Variants in SOCS5 observed in about 807,000 individuals in gnomAD.
The protein encoded by SOCS5 is suppressor of cytokine signaling 5, also known as CIS-6.
A neutral mutation model predicts 42.8 loss-of-function variants in SOCS5; 32 were observed. The observed-to-expected ratio is 0.75, with a 90% CI of 0.56 to 1.01. The LOEUF (loss-of-function observed/expected upper bound fraction) is 1.01, where lower values mean the gene tolerates loss of function less well. Ranked by LOEUF, SOCS5 falls within the 50% of genes least tolerant of loss-of-function variation. SOCS5 has a pLI of 0.00. For synonymous variants in SOCS5, 283 were observed against 229.6 expected (o/e 1.23, Z -2.10); for missense variants, 627 against 653.0 (o/e 0.96, Z 0.43).
chr2:46,710,535 T>C (rs1672595535), intron 1 of SOCS5, among the ~76,000 whole-genome samples: 1 of 152,184 alleles, frequency 6.6e-6, no homozygotes, highest in South Asian at 2.1e-4. Context: ...ACACCAAATA[T>C]CTTTAATAAC....
intron 1 of SOCS5, among the ~76,000 whole-genome samples, chr2:46,738,757 AT>A (rs1300153574): frequency 6.6e-6 from 1 of 151,982 alleles, no homozygotes; most frequent in East Asian, 1.9e-4. Flanking sequence ...GTCAAATAAA[AT>A]TTTTTTCCCA....
At chr2:46,733,581 G>GAAAAAAAAAAAAAAAA in intron 1 of SOCS5, among the ~76,000 whole-genome samples, 1 of 92,016 alleles carries the variant, frequency 1.1e-5, no homozygotes, top group Non-Finnish European at 2.2e-5. Flanking sequence ...AAAAAAAAAA[G>GAAAAAAAAAAAAAAAA]AAAAAAAAAA....
intron 1 of SOCS5, among the ~76,000 whole-genome samples, chr2:46,740,547 G>A (rs1291610732): frequency 1.3e-5 from 2 of 151,978 alleles, no homozygotes; most frequent in Non-Finnish European, 2.9e-5. Context: ...AGATAGGAGG[G>A]GCCTGTGATA....
At chr2:46,727,144 C>CTTTTTTTT (rs759203329) in intron 1 of SOCS5, among the ~76,000 whole-genome samples, 102 of 86,410 alleles carry the variant, frequency 1.2e-3, no homozygotes, top group Non-Finnish European at 1.1e-3. Context: ...TTGGAGCCTT[C>CTTTTTTTT]TTTTTTTTTT....
At position 46,760,987 on chromosome 2, in the gene SOCS5, C is replaced by A. The variant is rs1673855783; in HGVS notation, c.*846C>A. On this transcript the variant is annotated 3_prime_UTR_variant, in exon 2 of 2. Transcript: ENST00000394861. Reference sequence around the variant, plus strand: ...TTTGTGAACCGTGAAGTACGTGAGACTAGAAGACGCCCAAACAAGTCAGAT... The same window carrying A: ...TTTGTGAACCGTGAAGTACGTGAGAATAGAAGACGCCCAAACAAGTCAGAT... 6.0e-6 allele frequency: 1 copy of A among 167,012 alleles called. No individual in the cohort carries two copies. Among genetic ancestry groups the A allele is most frequent in the African/African-American group, 2.4e-5 (1 of 41,422 alleles). The allele number at this position is 167,012 out of a possible 1,614,324, so 10.3% of individuals were successfully genotyped here.
chr2:46,733,484 G>A (rs1028423041), intron 1 of SOCS5, among the ~76,000 whole-genome samples: 1 of 150,464 alleles, frequency 6.6e-6, no homozygotes, highest in South Asian at 2.1e-4. Flanking sequence ...GAAGTGGGGG[G>A]ATCACATGAG....
chr2:46,711,974 A>G (rs758677595), intron 1 of SOCS5, among the ~76,000 whole-genome samples: 5 of 152,172 alleles, frequency 3.3e-5, no homozygotes, highest in Non-Finnish European at 7.4e-5. Context: ...TTGATTTACC[A>G]TAGCATTAAG....
intron 1 of SOCS5, among the ~76,000 whole-genome samples, chr2:46,734,281 T>C (rs1296928532): frequency 6.6e-6 from 1 of 152,154 alleles, no homozygotes; most frequent in East Asian, 1.9e-4. Context: ...AAATTAAAGC[T>C]CTTAATAACC....
rs1364318672 is a variant in SOCS5, at chr2:46,760,773, C to T, written c.*632C>T. 6.0e-6 allele frequency: 1 copy of T among 167,084 alleles called. No homozygotes were observed. 10.4% of individuals were successfully genotyped at this position (167,084 alleles called of 1,614,324 possible). On this transcript the variant is annotated 3_prime_UTR_variant, in exon 2 of 2. Coordinates refer to ENST00000394861, the MANE Select transcript of SOCS5 (RefSeq NM_144949.3). The stretch of plus-strand genomic sequence containing the variant: ...AAATAGGCATTCTTAAAATTTCAGA[C>T]TTACAAAGCTAGTAGTAGAATTTTA...
rs913561690 is a variant in SOCS5 at position 46,742,818 on chromosome 2, A to G, written c.-12-15701A>G. Among the ~76,000 whole-genome samples, 4 of 151,854 alleles carry G rather than the reference A, an allele frequency of 2.6e-5. No homozygotes were observed. The South Asian group carries it at 8.3e-4, about 32-fold the overall frequency. On this transcript the variant is annotated intron_variant, in intron 1 of 1. Transcript: ENST00000394861. ...GTAGCTCACATTACAGGCACATACC[A>G]CTATACCTGGCTAATTTTTGTATTT... is the stretch of plus-strand genomic sequence containing the variant.
intron 1 of SOCS5, among the ~76,000 whole-genome samples, chr2:46,722,716 A>G (rs892599568): frequency 1.3e-5 from 2 of 152,144 alleles, no homozygotes; most frequent in Non-Finnish European, 2.9e-5. Flanking sequence ...TTGCTGGGTC[A>G]TATGGCATAT....
chr2:46,750,289 G>A (rs1384119205), intron 1 of SOCS5, among the ~76,000 whole-genome samples: 5 of 152,102 alleles, frequency 3.3e-5, no homozygotes, highest in East Asian at 1.9e-4. Context: ...GCCCTCCTAC[G>A]TGATACCAGA....
At chr2:46,726,882 G>A (rs947264212) in intron 1 of SOCS5, among the ~76,000 whole-genome samples, 7 of 151,390 alleles carry the variant, frequency 4.6e-5, no homozygotes, top group East Asian at 3.9e-4. Flanking sequence ...TCAGCCTCAC[G>A]AATAGCTGGA....
intron 1 of SOCS5, among the ~76,000 whole-genome samples, chr2:46,706,294 G>GATCT (rs758274343): frequency 1.6e-4 from 24 of 152,234 alleles, no homozygotes; most frequent in Admixed American, 5.2e-4. Context: ...ATGTGTGGTA[G>GATCT]AGTTGGGACT....
chr2:46,713,357 A>G (rs759685472), intron 1 of SOCS5, among the ~76,000 whole-genome samples: 69 of 152,230 alleles, frequency 4.5e-4, no homozygotes, highest in Admixed American at 9.8e-4. Flanking sequence ...CTCTGGGTCT[A>G]AAACAAATGT....
chr2:46,761,084 T>G lies in SOCS5; in HGVS notation c.*943T>G, dbSNP rs1673858274. 1.2e-5 allele frequency: 2 copies of G among 167,092 alleles called. No homozygotes were observed. The highest frequency in any genetic ancestry group is 1.3e-4 in the Admixed American group (2 of 15,284). The allele number at this position is 167,092 out of a possible 1,614,324, so 10.4% of individuals were successfully genotyped here. ...TAATTAATAATTTGGATGGCAGAAT[T>G]TATCTCTTTTTTGTAAACTCTCATA... is the stretch of plus-strand genomic sequence containing the variant. On this transcript the variant is annotated 3_prime_UTR_variant, in exon 2 of 2. Coordinates refer to ENST00000394861, the MANE Select transcript of SOCS5 (RefSeq NM_144949.3).
At chr2:46,703,774 A>C (rs549359894) in intron 1 of SOCS5, among the ~76,000 whole-genome samples, 1 of 152,238 alleles carries the variant, frequency 6.6e-6, no homozygotes, top group Admixed American at 6.5e-5. Flanking sequence ...TGAAAGAGGG[A>C]AAATATGAAT....
At chr2:46,701,625 G>A (rs1672345450) in intron 1 of SOCS5, among the ~76,000 whole-genome samples, 1 of 151,694 alleles carries the variant, frequency 6.6e-6, no homozygotes, top group Admixed American at 6.6e-5. Context: ...GGATGAAGAA[G>A]TTTGAGTTGA....
intron 1 of SOCS5, among the ~76,000 whole-genome samples, chr2:46,703,087 A>T (rs754316520): frequency 6.6e-6 from 1 of 152,178 alleles, no homozygotes; most frequent in East Asian, 1.9e-4. Flanking sequence ...TATTTTTTCA[A>T]TGTATCTCAC....
Sources: gnomAD v4.1 joint callset for allele counts (sites outside exome capture counted in the v4.1 genomes callset) on GRCh38, gnomAD v4.1.1 for gene constraint, MANE v1.5 for transcripts, NCBI Gene and HGNC (gene_info 2026-07-23, HGNC 2026-07-21) for gene names.